PHLDB2: variants seen among roughly 807,000 people sequenced by gnomAD.
PHLDB2 encodes the protein pleckstrin homology like domain family B member 2, also known as pleckstrin homology-like domain family B member 2.
Under a neutral mutation model 123.6 loss-of-function variants are expected in PHLDB2, and 71 were observed. The observed-to-expected ratio is 0.57, with a 90% CI of 0.47 to 0.70. The LOEUF is 0.70. Ranked by LOEUF, PHLDB2 falls within the 30% of genes least tolerant of loss-of-function variation. PHLDB2 has a pLI of 0.00. For missense variants in PHLDB2, 1,446 were observed against 1,519.5 expected (o/e 0.95, Z 0.80); for synonymous variants, 547 against 541.6 (o/e 1.01, Z -0.14).
chr3:111,962,320 T>G lies in PHLDB2; in HGVS notation c.3077+8T>G. On this transcript the variant is annotated splice_region_variant and intron_variant, in intron 13 of 17. Coordinates refer to ENST00000431670, the MANE Select transcript of PHLDB2 (RefSeq NM_001134438.2). ...ACCAGACAACATCTCTAGGTAAGAT[T>G]TATTTATGGGTAAGGTTTCTGGTTT... 6.3e-7 allele frequency: 1 copy of G among 1,589,306 alleles called. No homozygotes were observed. The highest frequency in any genetic ancestry group is 1.4e-5 in the African/African-American group (1 of 73,196).
chr3:111,759,527 C>G (rs2059958324), intron 1 of PHLDB2, among the ~76,000 whole-genome samples: 1 of 152,172 alleles, frequency 6.6e-6, no homozygotes, highest in Non-Finnish European at 1.5e-5. Flanking sequence ...TATATACACA[C>G]ACACATATGT....
At chr3:111,898,137 G>T (rs1174218990) in intron 2 of PHLDB2, among the ~76,000 whole-genome samples, 3 of 151,482 alleles carry the variant, frequency 2.0e-5, no homozygotes, top group African/African-American at 7.3e-5. Context: ...GGTTCTTGAA[G>T]GTTGGAGTGG....
chr3:111,945,733 TCTC>T (rs974863583), intron 9 of PHLDB2, among the ~76,000 whole-genome samples: 14 of 152,046 alleles, frequency 9.2e-5, no homozygotes, highest in African/African-American at 3.1e-4. Context: ...TTATTTTGCT[TCTC>T]CTTCTCCTGA....
chr3:111,804,082 C>T (rs1042970552), intron 1 of PHLDB2, among the ~76,000 whole-genome samples: 3 of 152,094 alleles, frequency 2.0e-5, no homozygotes, highest in East Asian at 1.9e-4. Flanking sequence ...TTTTTCTGAT[C>T]GTCCTCTCCT....
At chr3:111,873,356 T>TCTATAAAAAAAAGAAA (rs1203530572) in intron 1 of PHLDB2, among the ~76,000 whole-genome samples, 3 of 152,244 alleles carry the variant, frequency 2.0e-5, no homozygotes, top group African/African-American at 7.2e-5. Flanking sequence ...AGTTTAATAC[T>TCTATAAAAAAAAGAAA]CTATAGTTTC....
At chr3:111,974,002 A>G (rs1251814468) in intron 17 of PHLDB2, among the ~76,000 whole-genome samples, 185 bp downstream of exon 17, 1 of 152,184 alleles carries the variant, frequency 6.6e-6, no homozygotes, top group Non-Finnish European at 1.5e-5. Flanking sequence ...AAAAAATATC[A>G]TAGCAAATTG....
chr3:111,794,873 G>T (rs6438013), intron 1 of PHLDB2, among the ~76,000 whole-genome samples: 64,934 of 151,964 alleles, frequency 0.43, 15,440 homozygotes, highest in African/African-American at 0.64. Flanking sequence ...CCTACAGCAT[G>T]TAGCTGAGGG....
chr3:111,935,854 T>G (rs902651828), intron 6 of PHLDB2, among the ~76,000 whole-genome samples: 1 of 152,192 alleles, frequency 6.6e-6, no homozygotes, highest in African/African-American at 2.4e-5. Flanking sequence ...CCGACTCAAA[T>G]GTTAATCTTT....
At position 111,739,142 on chromosome 3, in the gene PHLDB2, T is replaced by C. The variant is rs74870578; in HGVS notation, c.-49+6439T>C. Reference sequence around the variant, plus strand: ...AAGTTCTTTACGGAAAATACAGAAATAATTTTAATTTATCTAGGGAGATCA... The same window carrying C: ...AAGTTCTTTACGGAAAATACAGAAACAATTTTAATTTATCTAGGGAGATCA... On this transcript the variant is annotated intron_variant, in intron 1 of 17. Coordinates refer to the PHLDB2 transcript ENST00000393923. 8.4e-3 allele frequency among the ~76,000 whole-genome samples: 1,284 copies of C among 152,280 alleles called. 16 individuals carry two copies. The highest frequency in any genetic ancestry group is 0.029 in the African/African-American group (1,206 of 41,554).
At chr3:111,766,461 A>T (rs956978655) in intron 1 of PHLDB2, among the ~76,000 whole-genome samples, 1 of 147,452 alleles carries the variant, frequency 6.8e-6, no homozygotes, top group African/African-American at 2.5e-5. Flanking sequence ...AAAAAAAAAG[A>T]ATCTGATGAA....
At chr3:111,859,974 C>T (rs1352839362) in intron 1 of PHLDB2, 1 of 904,834 alleles carries the variant, frequency 1.1e-6, no homozygotes, top group Non-Finnish European at 1.3e-6. Flanking sequence ...GGCTGCGCAG[C>T]TGGGTGGGTG....
intron 1 of PHLDB2, among the ~76,000 whole-genome samples, chr3:111,868,193 A>G (rs985916179): frequency 6.6e-6 from 1 of 151,404 alleles, no homozygotes; most frequent in Non-Finnish European, 1.5e-5. Context: ...CTAATTTTTT[A>G]AATTTCTGTA....
At chr3:111,767,522 C>T (rs1300299094) in intron 1 of PHLDB2, among the ~76,000 whole-genome samples, 1 of 152,194 alleles carries the variant, frequency 6.6e-6, no homozygotes, top group Non-Finnish European at 1.5e-5. Context: ...GGGTTCAAAT[C>T]ATTTCACCAC....
rs11411697 is a variant in PHLDB2 at position 111,822,251 on chromosome 3, GA to G, written c.-48-23560del. ...TCTATTTCCTTCATACTTTGCATCA[GA>G]AAAAAAAAATGTTTCTTTCTCTCTG... On this transcript the variant is annotated intron_variant, in intron 1 of 17. Coordinates refer to the PHLDB2 transcript ENST00000393923. Among the ~76,000 whole-genome samples the G allele has an allele frequency of 3.8e-4, 56 of 147,076 alleles. 1 individual carries two copies. In the East Asian group the frequency reaches 9.5e-3, roughly 25 times the overall value.
intron 1 of PHLDB2, among the ~76,000 whole-genome samples, chr3:111,804,321 AT>A (rs1438412126): frequency 6.6e-6 from 1 of 152,234 alleles, no homozygotes; most frequent in Non-Finnish European, 1.5e-5. Flanking sequence ...GAAAGAAGAC[AT>A]TATTGAATTC....
intron 1 of PHLDB2, among the ~76,000 whole-genome samples, chr3:111,786,170 C>A (rs1278180188): frequency 4.6e-5 from 7 of 152,152 alleles, no homozygotes; most frequent in Middle Eastern, 3.2e-3. Context: ...GACCTATGGA[C>A]ATTCTCTTTT....
At chr3:111,859,613 T>C (rs2108642323) in intron 1 of PHLDB2, 37 bp downstream of exon 1, 1 of 983,766 alleles carries the variant, frequency 1.0e-6, no homozygotes, top group South Asian at 4.7e-5. Context: ...GAGGAGGGGG[T>C]GGTGCCGACT....
chr3:111,961,181 G>T (rs2107662074), intron 12 of PHLDB2, among the ~76,000 whole-genome samples: 1 of 152,070 alleles, frequency 6.6e-6, no homozygotes, highest in African/African-American at 2.4e-5. Flanking sequence ...AAATACAAAA[G>T]TTAGCTGAGT....
At chr3:111,922,771 C>T (rs1354427838) in intron 5 of PHLDB2, among the ~76,000 whole-genome samples, 1 of 152,176 alleles carries the variant, frequency 6.6e-6, no homozygotes, top group African/African-American at 2.4e-5. Flanking sequence ...CTATTTCATA[C>T]ACTCTGTTCA....
Sources: gnomAD v4.1 joint callset for allele counts (sites outside exome capture counted in the v4.1 genomes callset) on GRCh38, gnomAD v4.1.1 for gene constraint, MANE v1.5 for transcripts, NCBI Gene and HGNC (gene_info 2026-07-23, HGNC 2026-07-21) for gene names.